Variants in GALNT18 observed in about 807,000 individuals in gnomAD.
The protein encoded by GALNT18 is GalNAc-transferase 18.
GALNT18 carries 44 observed loss-of-function variants against 69.5 expected under a neutral mutation model. The ratio of observed to expected loss-of-function variants is 0.63; its 90% CI spans 0.50 to 0.81. The LOEUF (loss-of-function observed/expected upper bound fraction) is 0.81, where lower values mean the gene tolerates loss of function less well. Ranked by LOEUF, GALNT18 falls within the 40% of genes least tolerant of loss-of-function variation. The pLI is 0.00. For missense variants in GALNT18, 715 were observed against 810.0 expected (o/e 0.88, Z 1.42); for synonymous variants, 364 against 318.2 (o/e 1.14, Z -1.53).
Position 11,555,659 on chromosome 11 carries a change from C to T in GALNT18, c.235+65700G>A, listed in dbSNP as rs944837130. On this transcript the variant is annotated intron_variant, in intron 1 of 10. Transcript: ENST00000227756. This position sits in a 1 kb window ranked among gnomAD's most constrained non-coding sequence, Gnocchi z 4.7. ...CCCACTAAAGACACGTCCTGCCAGA[C>T]TTTCCTCATTTCCTTAACAGCATTA... Among the ~76,000 whole-genome samples, 2 of 152,232 alleles carry T rather than the reference C, an allele frequency of 1.3e-5. No individual in the cohort carries two copies. The highest frequency in any genetic ancestry group is 3.8e-4 in the East Asian group (2 of 5,198).
At chr11:11,612,489 T>C (rs1372383258) in intron 1 of GALNT18, among the ~76,000 whole-genome samples, 1 of 152,252 alleles carries the variant, frequency 6.6e-6, no homozygotes, top group Non-Finnish European at 1.5e-5. Flanking sequence ...ATTTTGGTAC[T>C]GTTCTCCTAA....
At chr11:11,530,997 C>G (rs181221374) in intron 1 of GALNT18, among the ~76,000 whole-genome samples, 1 of 152,326 alleles carries the variant, frequency 6.6e-6, no homozygotes, top group East Asian at 1.9e-4. Flanking sequence ...AACACTGTGA[C>G]GCCATGCCTT....
chr11:11,346,701 G>A (rs10734180), intron 6 of GALNT18, among the ~76,000 whole-genome samples: 119,456 of 152,112 alleles, frequency 0.79, 50,850 homozygotes, highest in Non-Finnish European at 0.93. Context: ...CCCACATGTG[G>A]CCAAGACCCT....
Position 11,358,907 on chromosome 11 carries a change from G to A in GALNT18, c.1092+13608C>T, listed in dbSNP as rs781112223. Among the ~76,000 whole-genome samples, 2 of 137,412 alleles carry A rather than the reference G, an allele frequency of 1.5e-5. 1 individual carries two copies. Among genetic ancestry groups the A allele is most frequent in the Non-Finnish European group, 3.2e-5 (2 of 61,898 alleles). 90.1% of individuals were successfully genotyped at this position (137,412 alleles called of 152,430 possible). Reference sequence around the variant, plus strand: ...AGCTCTCGGGTTATTCTGAACTCCAGCTGGCTTGAGCCAACCATAACATTT... The same window carrying A: ...AGCTCTCGGGTTATTCTGAACTCCAACTGGCTTGAGCCAACCATAACATTT... On this transcript the variant is annotated intron_variant, in intron 6 of 10. Coordinates refer to ENST00000227756, the MANE Select transcript of GALNT18 (RefSeq NM_198516.3).
At chr11:11,417,006 C>T (rs61870277) in intron 3 of GALNT18, among the ~76,000 whole-genome samples, 87 of 152,270 alleles carry the variant, frequency 5.7e-4, no homozygotes, top group Non-Finnish European at 3.4e-4. Context: ...GCAGCCTGGT[C>T]GGCTTTCTCA....
chr11:11,390,093 G>A (rs1854149476), intron 3 of GALNT18, among the ~76,000 whole-genome samples: 1 of 152,112 alleles, frequency 6.6e-6, no homozygotes, highest in Admixed American at 6.5e-5. Flanking sequence ...GATCCCATGA[G>A]TCTAAGCTCC....
At chr11:11,451,306 C>T (rs772530100) in intron 1 of GALNT18, among the ~76,000 whole-genome samples, 1 of 152,160 alleles carries the variant, frequency 6.6e-6, no homozygotes, top group Non-Finnish European at 1.5e-5. Context: ...CCAACTGAAT[C>T]ATATAATATT....
chr11:11,567,574 C>T (rs575719149), intron 1 of GALNT18, among the ~76,000 whole-genome samples: 14 of 152,194 alleles, frequency 9.2e-5, no homozygotes, highest in Non-Finnish European at 1.8e-4. Context: ...AAGCATTGTT[C>T]GTCAGCGGTG....
chr11:11,570,867 A>G (rs1368546345), intron 1 of GALNT18, among the ~76,000 whole-genome samples: 1 of 152,218 alleles, frequency 6.6e-6, no homozygotes, highest in African/African-American at 2.4e-5. Context: ...GCCTGTAAAG[A>G]GTTACTCTCC....
chr11:11,339,993 C>A lies in GALNT18; in HGVS notation c.1278+826G>T, dbSNP rs1850175381. ...TGGCCTTGGGAGGAAAGAATGAGGT[C>A]ATGTAGTCAATAGCTCTGATAGCTC... is the stretch of plus-strand genomic sequence containing the variant. On this transcript the variant is annotated intron_variant, in intron 7 of 10. Coordinates refer to ENST00000227756, the MANE Select transcript of GALNT18 (RefSeq NM_198516.3). The surrounding 1 kb of genome is among the most constrained non-coding windows in gnomAD (Gnocchi z 5.2). Among the ~76,000 whole-genome samples the A allele has an allele frequency of 1.3e-5, 2 of 152,164 alleles. No individual in the cohort carries two copies. The highest frequency in any genetic ancestry group is 4.1e-4 in the South Asian group (2 of 4,820).
intron 3 of GALNT18, among the ~76,000 whole-genome samples, chr11:11,428,793 T>C (rs967529872): frequency 2.0e-5 from 3 of 152,068 alleles, no homozygotes; most frequent in African/African-American, 7.2e-5. Context: ...TAAAATACAA[T>C]AGAATTGAAT....
At chr11:11,588,540 C>T (rs545803999) in intron 1 of GALNT18, among the ~76,000 whole-genome samples, 1 of 152,284 alleles carries the variant, frequency 6.6e-6, no homozygotes, top group African/African-American at 2.4e-5. Context: ...TCCACAGTAT[C>T]CTTTTCTTCC....
chr11:11,336,777 C>T (rs571341450), intron 7 of GALNT18, among the ~76,000 whole-genome samples: 11 of 152,270 alleles, frequency 7.2e-5, no homozygotes, highest in African/African-American at 2.4e-4. Context: ...CAGACACTAT[C>T]GTAAACACTG....
intron 3 of GALNT18, 73 bp from the exon 4 acceptor site, chr11:11,379,337 T>C: frequency 7.1e-7 from 1 of 1,415,336 alleles, no homozygotes; most frequent in Non-Finnish European, 9.7e-7. Context: ...CAACAGTCAC[T>C]CTTTTAGTGA....
At chr11:11,323,870 T>G (rs1029359162) in intron 9 of GALNT18, among the ~76,000 whole-genome samples, 1 of 152,210 alleles carries the variant, frequency 6.6e-6, no homozygotes, top group East Asian at 1.9e-4. Flanking sequence ...CTCTTTATCA[T>G]GAGCCACACC....
At position 11,372,063 on chromosome 11, in the gene GALNT18, C is replaced by T. The variant is rs1173887891; in HGVS notation, c.1092+452G>A. ...CTGTTTATACACCCTGAGTTTATTT[C>T]TCTGGGCTATCTCTTAACAAAGTCT... is the stretch of plus-strand genomic sequence containing the variant. On this transcript the variant is annotated intron_variant, in intron 6 of 10. Transcript: ENST00000227756. The surrounding 1 kb of genome is among the most constrained non-coding windows in gnomAD (Gnocchi z 4.9). 6.6e-6 allele frequency among the ~76,000 whole-genome samples: 1 copy of T among 152,172 alleles called. No individual in the cohort carries two copies. The highest frequency in any genetic ancestry group is 1.5e-5 in the Non-Finnish European group (1 of 68,038).
At chr11:11,334,108 A>G (rs1850067383) in intron 7 of GALNT18, among the ~76,000 whole-genome samples, 1 of 152,172 alleles carries the variant, frequency 6.6e-6, no homozygotes, top group African/African-American at 2.4e-5. Flanking sequence ...CCCTGGTTCA[A>G]ACATCAACTC....
chr11:11,280,226 C>A (rs988595127), intron 10 of GALNT18, among the ~76,000 whole-genome samples: 1 of 152,180 alleles, frequency 6.6e-6, no homozygotes, highest in African/African-American at 2.4e-5. Context: ...ACAGCAGCTG[C>A]TGGGGCCCAC....
At chr11:11,482,956 C>T (rs984170777) in intron 1 of GALNT18, among the ~76,000 whole-genome samples, 1 of 152,220 alleles carries the variant, frequency 6.6e-6, no homozygotes, top group African/African-American at 2.4e-5. Flanking sequence ...CCCAGACCTA[C>T]CTCATCATAA....
Sources: allele counts gnomAD v4.1 joint callset (sites outside exome capture counted in the v4.1 genomes callset), GRCh38; gene constraint gnomAD v4.1.1; non-coding constraint Gnocchi (gnomAD v3.1); transcripts MANE v1.5; gene names NCBI Gene and HGNC (gene_info 2026-07-23, HGNC 2026-07-21).